Variants in SOX5 observed in about 807,000 individuals in gnomAD.
The protein encoded by SOX5 is SRY-box transcription factor 5, also known as transcription factor SOX-5.
SOX5 carries 9 observed loss-of-function variants against 92.0 expected under a neutral mutation model. That is an observed-to-expected ratio of 0.10 (90% CI 0.06 to 0.17). The LOEUF (loss-of-function observed/expected upper bound fraction) is 0.17. Ranked by LOEUF, SOX5 falls within the 10% of genes least tolerant of loss-of-function variation. SOX5 has a pLI of 1.00. For synonymous variants in SOX5, 344 were observed against 336.3 expected (o/e 1.02, Z -0.25); for missense variants, 642 against 944.5 (o/e 0.68, Z 4.20).
intron 2 of SOX5, among the ~76,000 whole-genome samples, chr12:24,363,373 G>C (rs1955813731): frequency 6.6e-6 from 1 of 152,124 alleles, no homozygotes; most frequent in Non-Finnish European, 1.5e-5. Context: ...AGCGGTGCCA[G>C]CATGCCCTGT....
At chr12:24,451,181 T>C (rs1366402441) in intron 1 of SOX5, among the ~76,000 whole-genome samples, 2 of 152,250 alleles carry the variant, frequency 1.3e-5, no homozygotes, top group East Asian at 1.9e-4. Flanking sequence ...ACATTTTCTT[T>C]ATCCATTCAT....
intron 9 of SOX5, among the ~76,000 whole-genome samples, chr12:23,595,441 T>C (rs955654550): frequency 1.3e-5 from 2 of 151,784 alleles, no homozygotes; most frequent in African/African-American, 4.8e-5. Context: ...GCTAACACGG[T>C]GAAACCCCGT....
intron 11 of SOX5, among the ~76,000 whole-genome samples, chr12:23,557,368 T>C (rs1945359814): frequency 6.6e-6 from 1 of 152,208 alleles, no homozygotes. Context: ...GGAAGACATT[T>C]TTCCAGCTAT....
At chr12:24,129,503 C>T (rs887055594) in intron 4 of SOX5, among the ~76,000 whole-genome samples, 2 of 152,112 alleles carry the variant, frequency 1.3e-5, no homozygotes, top group Non-Finnish European at 2.9e-5. Context: ...TCAGTGGCCT[C>T]AACAAAATTG....
chr12:24,385,665 T>G (rs1032332196), intron 1 of SOX5, among the ~76,000 whole-genome samples: 5 of 151,580 alleles, frequency 3.3e-5, no homozygotes, highest in African/African-American at 9.8e-5. Context: ...ATCTTTAAGA[T>G]TTATATGGCA....
intron 6 of SOX5, among the ~76,000 whole-genome samples, chr12:23,710,956 A>G (rs193074608): frequency 6.8e-4 from 103 of 152,230 alleles, no homozygotes; most frequent in Middle Eastern, 6.8e-3. Context: ...GATGGTATCT[A>G]ATTGTGGTTT....
At chr12:24,235,489 A>G (rs1964280169) in intron 3 of SOX5, among the ~76,000 whole-genome samples, 1 of 152,134 alleles carries the variant, frequency 6.6e-6, no homozygotes, top group South Asian at 2.1e-4. Context: ...AATAATAGAA[A>G]CCCTACATTA....
At chr12:24,051,354 C>G (rs1957551504) in intron 4 of SOX5, among the ~76,000 whole-genome samples, 1 of 152,022 alleles carries the variant, frequency 6.6e-6, no homozygotes. Context: ...TCGAGATAGT[C>G]TAGTACACAC....
chr12:23,688,802 A>G (rs970366155), intron 6 of SOX5, among the ~76,000 whole-genome samples: 1 of 152,116 alleles, frequency 6.6e-6, no homozygotes, highest in Non-Finnish European at 1.5e-5. Context: ...GAGATTTATG[A>G]GGTCAGGAAT....
At chr12:24,529,937 G>A (rs1266348012) in intron 1 of SOX5, among the ~76,000 whole-genome samples, 2 of 150,030 alleles carry the variant, frequency 1.3e-5, no homozygotes, top group South Asian at 2.1e-4. Flanking sequence ...GGAGAATGGC[G>A]TGAACCCGGG....
intron 1 of SOX5, among the ~76,000 whole-genome samples, chr12:24,538,115 G>A (rs1951799469): frequency 6.6e-6 from 1 of 152,116 alleles, no homozygotes; most frequent in South Asian, 2.1e-4. Flanking sequence ...CATTGCAGTC[G>A]CTGCCCTGAG....
intron 3 of SOX5, among the ~76,000 whole-genome samples, chr12:24,239,348 T>G (rs1965129606): frequency 6.6e-6 from 1 of 152,226 alleles, no homozygotes; most frequent in Admixed American, 6.5e-5. Flanking sequence ...AGGAATAAAG[T>G]AGAACTGCAT....
At chr12:24,371,730 G>C (rs1702888) in intron 1 of SOX5, among the ~76,000 whole-genome samples, 73,071 of 152,088 alleles carry the variant, frequency 0.48, 17,816 homozygotes, top group Non-Finnish European at 0.52. Flanking sequence ...GCTCACACCT[G>C]TAATCTCAAC....
At chr12:24,028,113 T>C (rs1310316187) in intron 4 of SOX5, among the ~76,000 whole-genome samples, 1 of 152,002 alleles carries the variant, frequency 6.6e-6, no homozygotes, top group Non-Finnish European at 1.5e-5. Context: ...GAGGTTTCCC[T>C]GGCCACCTAG....
chr12:24,405,861 G>A (rs1319957911), intron 1 of SOX5, among the ~76,000 whole-genome samples: 1 of 152,198 alleles, frequency 6.6e-6, no homozygotes, highest in African/African-American at 2.4e-5. Context: ...AGGAGGGGAA[G>A]AGGCTTTAAG....
chr12:23,647,718 C>G (rs1308186746), intron 7 of SOX5, among the ~76,000 whole-genome samples: 1 of 152,186 alleles, frequency 6.6e-6, no homozygotes, highest in East Asian at 1.9e-4. Flanking sequence ...TCCCCAACAC[C>G]AAACTTTTCT....
intron 4 of SOX5, among the ~76,000 whole-genome samples, chr12:23,989,848 C>G (rs1569422060): frequency 6.6e-6 from 1 of 151,990 alleles, no homozygotes; most frequent in Non-Finnish European, 1.5e-5. Flanking sequence ...TTCAAACTAC[C>G]CAGTTTCTGG....
At chr12:24,450,954 C>G (rs929544877) in intron 1 of SOX5, among the ~76,000 whole-genome samples, 5 of 152,190 alleles carry the variant, frequency 3.3e-5, no homozygotes, top group Non-Finnish European at 7.3e-5. Context: ...TACCCCCTCA[C>G]TACCCTTCCC....
At chr12:23,734,635 G>T (rs1314111710) in intron 6 of SOX5, 49 bp downstream of exon 6, 1 of 1,359,114 alleles carries the variant, frequency 7.4e-7, no homozygotes, top group East Asian at 2.4e-5. Context: ...ATAAGAAACA[G>T]AATATATATT....
Sources: allele counts gnomAD v4.1 joint callset (sites outside exome capture counted in the v4.1 genomes callset), GRCh38; gene constraint gnomAD v4.1.1; transcripts MANE v1.5; gene names NCBI Gene and HGNC (gene_info 2026-07-23, HGNC 2026-07-21).